Variants in EPYC observed in about 807,000 individuals in gnomAD.
EPYC encodes dermatan sulfate proteoglycan 3.
Under a neutral mutation model 30.1 loss-of-function variants are expected in EPYC, and 28 were observed. That is an observed-to-expected ratio of 0.93 (90% CI 0.69 to 1.28). The LOEUF (loss-of-function observed/expected upper bound fraction) is 1.28. Ranked by LOEUF, EPYC falls within the 50% of genes most tolerant of loss-of-function variation. EPYC has a pLI of 0.00. For synonymous variants in EPYC, 144 were observed against 141.4 expected (o/e 1.02, Z -0.13); for missense variants, 382 against 383.5 (o/e 1.00, Z 0.03).
chr12:90,982,870 G>T (rs997231256), intron 2 of EPYC, among the ~76,000 whole-genome samples: 4 of 152,006 alleles, frequency 2.6e-5, no homozygotes, highest in African/African-American at 7.2e-5. Context: ...ATACCACATT[G>T]TATTTATCCA....
intron 2 of EPYC, among the ~76,000 whole-genome samples, chr12:90,999,388 T>C (rs1290215705): frequency 6.6e-6 from 1 of 152,104 alleles, no homozygotes; most frequent in Non-Finnish European, 1.5e-5. Context: ...AAAGGCATTG[T>C]TCAGTTATCC....
intron 2 of EPYC, among the ~76,000 whole-genome samples, chr12:90,996,694 T>C (rs1008665431): frequency 2.0e-5 from 3 of 152,012 alleles, no homozygotes; most frequent in African/African-American, 7.2e-5. Flanking sequence ...TCTAGCCACT[T>C]TATCTGTCCA....
At chr12:90,976,452 A>T (rs1173881095) in intron 3 of EPYC, among the ~76,000 whole-genome samples, 1 of 152,120 alleles carries the variant, frequency 6.6e-6, no homozygotes, top group Admixed American at 6.6e-5. Context: ...TTTAGATGAG[A>T]AAACTAAGGC....
At position 91,002,189 on chromosome 12, in the gene EPYC, CAAAAAAAA is replaced by C. The variant is rs34987645; in HGVS notation, c.165+204_165+211del. ...TGGGAGATGGAGCAAGACACTGTCT[CAAAAAAAA>C]AAAAAAAAAAAAAAGGGCAAAAGAC... On this transcript the variant is annotated intron_variant, in intron 2 of 6. Transcript: ENST00000261172. 5.5e-3 allele frequency among the ~76,000 whole-genome samples: 407 copies of C among 73,476 alleles called. 1 individual carries two copies. Among genetic ancestry groups the C allele is most frequent in the Non-Finnish European group, 7.4e-3 (308 of 41,876 alleles). The allele number at this position is 73,476 out of a possible 152,430, so 48.2% of individuals were successfully genotyped here. A position where few individuals can be genotyped will look rare whatever the true frequency, so the allele number is the denominator to read the frequency against.
At chr12:91,002,724 C>T (rs555639324) in intron 1 of EPYC, 146 bp from the exon 2 acceptor site, 1 of 617,986 alleles carries the variant, frequency 1.6e-6, no homozygotes, top group African/African-American at 1.9e-5. Flanking sequence ...ACATAACACA[C>T]AAAATCATCT....
At chr12:90,971,378 C>G (rs1339109546) in intron 5 of EPYC, among the ~76,000 whole-genome samples, 1 of 151,998 alleles carries the variant, frequency 6.6e-6, no homozygotes, top group Non-Finnish European at 1.5e-5. Context: ...AAATTAAATC[C>G]CCTTATAGAA....
intron 2 of EPYC, among the ~76,000 whole-genome samples, chr12:90,991,802 T>C (rs1312031876): frequency 6.6e-6 from 1 of 152,144 alleles, no homozygotes; most frequent in Non-Finnish European, 1.5e-5. Context: ...CTAGAGCTGA[T>C]TCAAATATGT....
chr12:90,990,224 A>T (rs1877550076), intron 2 of EPYC, among the ~76,000 whole-genome samples: 1 of 152,096 alleles, frequency 6.6e-6, no homozygotes, highest in Non-Finnish European at 1.5e-5. Flanking sequence ...AACACAAAGC[A>T]AATTGTTTCT....
intron 3 of EPYC, among the ~76,000 whole-genome samples, chr12:90,976,702 T>C (rs1165316764): frequency 6.6e-6 from 1 of 152,116 alleles, no homozygotes; most frequent in African/African-American, 2.4e-5. Flanking sequence ...TTTGGCTGTG[T>C]CCCCACTCAA....
At chr12:90,989,573 A>T (rs1307241330) in intron 2 of EPYC, among the ~76,000 whole-genome samples, 1 of 152,008 alleles carries the variant, frequency 6.6e-6, no homozygotes, top group African/African-American at 2.4e-5. Context: ...ACTCTAAAAG[A>T]TAATGCTTAC....
At chr12:90,992,629 T>C (rs1012238404) in intron 2 of EPYC, among the ~76,000 whole-genome samples, 1 of 152,176 alleles carries the variant, frequency 6.6e-6, no homozygotes, top group Non-Finnish European at 1.5e-5. Context: ...CAGGTAAGAC[T>C]GGATGACTGA....
chr12:90,999,532 C>T (rs1428640370), intron 2 of EPYC, among the ~76,000 whole-genome samples: 3 of 152,024 alleles, frequency 2.0e-5, no homozygotes, highest in Non-Finnish European at 4.4e-5. Flanking sequence ...TTTCCATGTG[C>T]TTTACTTACC....
intron 2 of EPYC, among the ~76,000 whole-genome samples, chr12:90,982,688 G>C (rs1051487205): frequency 6.6e-6 from 1 of 152,048 alleles, no homozygotes; most frequent in South Asian, 2.1e-4. Flanking sequence ...ATTCCACTCT[G>C]TCCTATGCAG....
chr12:90,974,691 T>C (rs566314640), intron 3 of EPYC, among the ~76,000 whole-genome samples: 1 of 152,162 alleles, frequency 6.6e-6, no homozygotes, highest in South Asian at 2.1e-4. Context: ...CACATTGATA[T>C]AGATGTAGGT....
At chr12:90,984,742 T>C (rs1397436652) in intron 2 of EPYC, among the ~76,000 whole-genome samples, 2 of 152,088 alleles carry the variant, frequency 1.3e-5, no homozygotes, top group African/African-American at 4.8e-5. Context: ...TTCATATTAA[T>C]AAGCCTCCTC....
chr12:90,964,398 G>A (rs1876843144), intron 6 of EPYC, 72 bp from the exon 7 acceptor site: 4 of 1,053,700 alleles, frequency 3.8e-6, no homozygotes, highest in Non-Finnish European at 4.1e-6. Flanking sequence ...GCAGTCCACT[G>A]TGCTTCACCC....
chr12:90,991,295 C>T (rs912646517), intron 2 of EPYC, among the ~76,000 whole-genome samples: 1 of 152,004 alleles, frequency 6.6e-6, no homozygotes, highest in African/African-American at 2.4e-5. Context: ...CTAGAATTTG[C>T]CCTAGGAGTG....
intron 3 of EPYC, among the ~76,000 whole-genome samples, chr12:90,977,198 ACT>A (rs913065704): frequency 5.3e-5 from 8 of 152,094 alleles, no homozygotes; most frequent in Non-Finnish European, 1.0e-4. Context: ...TGCAGGGGGA[ACT>A]CTCTATTTTT....
intron 2 of EPYC, among the ~76,000 whole-genome samples, chr12:90,982,875 TATCCATCC>T (rs1325629931): frequency 2.0e-5 from 3 of 152,216 alleles, no homozygotes; most frequent in African/African-American, 7.2e-5. Context: ...ACATTGTATT[TATCCATCC>T]ATCCATTGAT....
Sources: gnomAD v4.1 joint callset for allele counts (sites outside exome capture counted in the v4.1 genomes callset) on GRCh38, gnomAD v4.1.1 for gene constraint, MANE v1.5 for transcripts, NCBI Gene and HGNC (gene_info 2026-07-23, HGNC 2026-07-21) for gene names.